The following APTX variants were observed in gnomAD, a reference collection of about 807,000 sequenced individuals.
APTX encodes the protein aprataxin.
A neutral mutation model predicts 42.3 loss-of-function variants in APTX; 33 were observed. That is an observed-to-expected ratio of 0.78 (90% CI 0.59 to 1.04). The LOEUF (loss-of-function observed/expected upper bound fraction) is 1.04, where lower values mean the gene tolerates loss of function less well. APTX is among the 50% of genes least tolerant of loss of function. APTX has a pLI of 0.00. For synonymous variants in APTX, 130 were observed against 146.7 expected, an observed-to-expected ratio of 0.89 and a Z score of 0.82; for missense variants, 421 against 415.1, an observed-to-expected ratio of 1.01 and a Z score of -0.12.
intron 6 of APTX, among the ~76,000 whole-genome samples, chr9:32,983,491 T>C (rs1831182398): frequency 6.6e-6 from 1 of 152,208 alleles, no homozygotes; most frequent in African/African-American, 2.4e-5. Context: ...TGCATCTTAT[T>C]ATGCACTTTA....
intron 1 of APTX, among the ~76,000 whole-genome samples, chr9:33,022,359 T>C (rs576282880): frequency 6.6e-6 from 1 of 152,282 alleles, no homozygotes; most frequent in South Asian, 2.1e-4. Context: ...CAATAAGATA[T>C]CACTTTTTAT....
chr9:33,019,988 C>G lies in APTX; in HGVS notation c.-5+5035G>C, dbSNP rs1167416829. 9.6e-6 allele frequency: 4 copies of G among 415,560 alleles called. No homozygotes were observed. The East Asian group carries it at 1.4e-4, about 15-fold the overall frequency. 25.7% of individuals were successfully genotyped at this position (415,560 alleles called of 1,614,324 possible). A position where few individuals can be genotyped will look rare whatever the true frequency, so the allele number is the denominator to read the frequency against. ...TCCTGGCCCTTGGCCACAGACGCTG[C>G]GTTTCTGCTAGGACCTGACACGTGC... On this transcript the variant is annotated intron_variant, in intron 1 of 6. Coordinates refer to the APTX transcript ENST00000436040.
intron 1 of APTX, among the ~76,000 whole-genome samples, chr9:33,010,132 C>T (rs529074367): frequency 1.3e-5 from 2 of 152,096 alleles, no homozygotes; most frequent in African/African-American, 2.4e-5. Flanking sequence ...GGTATCTGGG[C>T]CCTCAATCTC....
At chr9:33,005,845 T>C (rs1235570025), upstream of APTX, among the ~76,000 whole-genome samples, 1 of 152,230 alleles carries the variant, frequency 6.6e-6, no homozygotes, top group Admixed American at 6.5e-5. Flanking sequence ...CTTTCCTCAC[T>C]GAATGGTATT....
upstream of APTX, among the ~76,000 whole-genome samples, chr9:33,006,510 C>G (rs1015677246): frequency 2.6e-5 from 4 of 152,118 alleles, no homozygotes; most frequent in Non-Finnish European, 5.9e-5. Flanking sequence ...GAGTACCTAC[C>G]TGATCTAAGG....
intron 6 of APTX, among the ~76,000 whole-genome samples, chr9:32,983,259 A>G (rs1219903997): frequency 6.6e-6 from 1 of 152,226 alleles, no homozygotes; most frequent in African/African-American, 2.4e-5. Flanking sequence ...CAAAAAAGCC[A>G]GACCAAAAAA....
intron 1 of APTX, among the ~76,000 whole-genome samples, chr9:32,995,703 C>T (rs942827480): frequency 8.6e-5 from 13 of 151,922 alleles, no homozygotes; most frequent in Admixed American, 1.3e-4. Flanking sequence ...CTGGCTAACA[C>T]GGTGAAACCC....
intron 2 of APTX, 150 bp downstream of exon 2, chr9:32,989,609 G>A (rs771803249): frequency 8.5e-7 from 1 of 1,171,876 alleles, no homozygotes; most frequent in Non-Finnish European, 1.3e-6. Context: ...GAATAAATAG[G>A]GCCCTGGTGT....
chr9:32,986,438 C>T (rs1183004146), intron 4 of APTX, among the ~76,000 whole-genome samples: 7 of 152,036 alleles, frequency 4.6e-5, no homozygotes, highest in Non-Finnish European at 8.8e-5. Context: ...CTCAGGTGAT[C>T]CACTGGCCTC....
intron 1 of APTX, among the ~76,000 whole-genome samples, chr9:33,017,720 C>T (rs545887823): frequency 1.3e-5 from 2 of 152,242 alleles, no homozygotes; most frequent in South Asian, 2.1e-4. Flanking sequence ...AGGCCCTCTC[C>T]GGGAGCTCAA....
intron 1 of APTX, chr9:33,019,674 G>C (rs375412926): frequency 4.3e-6 from 2 of 468,048 alleles, no homozygotes; most frequent in South Asian, 4.1e-5. Context: ...CGCAAGGTTA[G>C]ACCTCGCCCC....
chr9:32,973,432 C>A lies in APTX; in HGVS notation c.*66G>T, dbSNP rs1462569947. 1 of 1,569,818 alleles carries A rather than the reference C, an allele frequency of 6.4e-7. No individual in the cohort carries two copies. Among genetic ancestry groups the A allele is most frequent in the South Asian group, 1.1e-5 (1 of 89,546 alleles). ...AAATGAGTAGAAGTTCACAAGCAAC[C>A]CAGAATAGGTGCCAGCAGTTTGCTC... On this transcript the variant is annotated 3_prime_UTR_variant, in exon 8 of 8. Transcript: ENST00000379817.
At chr9:32,991,864 C>T (rs1193626678) in intron 1 of APTX, among the ~76,000 whole-genome samples, 1 of 151,358 alleles carries the variant, frequency 6.6e-6, no homozygotes, top group Non-Finnish European at 1.5e-5. Context: ...CACAAGGAGA[C>T]ATAATTTGGG....
intron 1 of APTX, among the ~76,000 whole-genome samples, chr9:32,993,747 G>A (rs1319726211): frequency 7.1e-6 from 1 of 140,638 alleles, no homozygotes; most frequent in African/African-American, 2.6e-5. Context: ...TTGAGACAGA[G>A]TTTTGCTGTT....
intron 1 of APTX, chr9:33,001,336 T>C (rs1260631467): frequency 2.0e-6 from 3 of 1,524,962 alleles, no homozygotes; most frequent in African/African-American, 2.7e-5. Flanking sequence ...TACATACAGG[T>C]GTCGGGAGCA....
chr9:32,976,203 G>T (rs1395307351), intron 6 of APTX, among the ~76,000 whole-genome samples: 2 of 112,426 alleles, frequency 1.8e-5, no homozygotes, highest in African/African-American at 3.5e-5. Context: ...ACAGGGCAGG[G>T]AACATCACAT....
chr9:33,001,635 T>C, upstream of APTX: 1 of 1,613,408 alleles, frequency 6.2e-7, no homozygotes. Context: ...CGCTGCGGGA[T>C]GACGTCAGAG....
At chr9:32,992,538 C>T (rs1446649481) in intron 1 of APTX, among the ~76,000 whole-genome samples, 3 of 152,136 alleles carry the variant, frequency 2.0e-5, no homozygotes, top group East Asian at 1.9e-4. Context: ...AGCCATAGGT[C>T]GGGGTAAAAG....
rs757801409 is a variant in APTX at position 33,001,454 on chromosome 9, G to A, written c.-5+113C>T. 3 of 1,579,976 alleles carry A rather than the reference G, an allele frequency of 1.9e-6. 1 individual carries two copies. In the South Asian group the frequency reaches 3.4e-5, roughly 18 times the overall value. On this transcript the variant is annotated intron_variant, in intron 1 of 7. Coordinates refer to ENST00000379817, the MANE Select transcript of APTX (RefSeq NM_001195248.2). ...GAAAGCAGCCGTGAGAGCAGCGCAT[G>A]AAAGCAGCGTCATTCAAGGCACATC...
Sources: allele counts gnomAD v4.1 joint callset (sites outside exome capture counted in the v4.1 genomes callset), GRCh38; gene constraint gnomAD v4.1.1; transcripts MANE v1.5; gene names NCBI Gene and HGNC (gene_info 2026-07-23, HGNC 2026-07-21).